Variants in NFIA observed in about 807,000 individuals in gnomAD.
NFIA encodes nuclear factor 1 A-type.
In NFIA, 8 loss-of-function variants were observed where a neutral mutation model predicts 62.8. The observed-to-expected ratio is 0.13, with a 90% CI of 0.07 to 0.23. NFIA has a LOEUF of 0.23. Ranked by LOEUF, NFIA falls within the 10% of genes least tolerant of loss-of-function variation. The pLI, the probability that NFIA is intolerant of heterozygous loss-of-function variation, is 1.00. For missense variants in NFIA, 410 were observed against 642.1 expected (o/e 0.64, Z 3.91); for synonymous variants, 235 against 238.1 (o/e 0.99, Z 0.12).
intron 3 of NFIA, among the ~76,000 whole-genome samples, chr1:61,312,218 G>A (rs1320965907): frequency 6.6e-6 from 1 of 152,224 alleles, no homozygotes; most frequent in African/African-American, 2.4e-5. Flanking sequence ...CTCTTTGGGT[G>A]TGGGAAGTAG....
chr1:61,221,231 A>G (rs1054331304), intron 2 of NFIA, among the ~76,000 whole-genome samples: 2 of 152,156 alleles, frequency 1.3e-5, no homozygotes, highest in Admixed American at 6.5e-5. Flanking sequence ...TCTCTATTTA[A>G]TAAGATTACT....
At chr1:61,321,823 A>G (rs982346593) in intron 3 of NFIA, among the ~76,000 whole-genome samples, 2 of 152,152 alleles carry the variant, frequency 1.3e-5, no homozygotes, top group African/African-American at 2.4e-5. Flanking sequence ...AGATATTTTG[A>G]TATCTAATAG....
At chr1:61,385,736 A>G (rs1434487540) in intron 7 of NFIA, 2 of 152,232 alleles carry the variant, frequency 1.3e-5, no homozygotes, top group Admixed American at 6.5e-5. Context: ...GGGTTGAACC[A>G]GAGTGGACCT....
At chr1:61,327,618 T>G (rs1296086696) in intron 3 of NFIA, among the ~76,000 whole-genome samples, 1 of 152,188 alleles carries the variant, frequency 6.6e-6, no homozygotes, top group Non-Finnish European at 1.5e-5. Flanking sequence ...CTGAGTAGTA[T>G]TCCATGGTAT....
chr1:61,257,819 C>T (rs1656508880), intron 2 of NFIA, among the ~76,000 whole-genome samples: 1 of 151,130 alleles, frequency 6.6e-6, no homozygotes, highest in Non-Finnish European at 1.5e-5. Context: ...AGGTGATCCT[C>T]TCATCTCAGC....
intron 2 of NFIA, among the ~76,000 whole-genome samples, chr1:61,126,441 C>CAG (rs1370192204): frequency 1.6e-5 from 2 of 127,254 alleles, no homozygotes; most frequent in African/African-American, 3.0e-5. Context: ...AAAATGAACA[C>CAG]ACACACACAC....
chr1:61,402,033 C>CTTTTTTTTTTTTTTTTTTTTTTTT (rs10636290), intron 7 of NFIA, among the ~76,000 whole-genome samples: 1 of 94,568 alleles, frequency 1.1e-5, no homozygotes, highest in Non-Finnish European at 1.9e-5. Context: ...ACTCATTTTT[C>CTTTTTTTTTTTTTTTTTTTTTTTT]TTTTTTTTTT....
chr1:61,235,420 G>A (rs12565984), intron 2 of NFIA, among the ~76,000 whole-genome samples: 13,404 of 150,430 alleles, frequency 0.089, 652 homozygotes, highest in South Asian at 0.15. Context: ...CCGAGATGGC[G>A]CCACTGCACT....
intron 2 of NFIA, chr1:61,250,073 A>G (rs1221033954): frequency 6.6e-6 from 1 of 152,190 alleles, no homozygotes; most frequent in Non-Finnish European, 1.5e-5. Context: ...ATTTTTCCCC[A>G]AAGTATTTCT....
intron 2 of NFIA, among the ~76,000 whole-genome samples, chr1:61,094,272 G>A (rs183016268): frequency 6.6e-6 from 1 of 151,826 alleles, no homozygotes; most frequent in Non-Finnish European, 1.5e-5. Flanking sequence ...GAGAATGAAT[G>A]AACTCGTATG....
chr1:61,306,392 C>T (rs1439863760), intron 3 of NFIA, among the ~76,000 whole-genome samples: 1 of 144,988 alleles, frequency 6.9e-6, no homozygotes, highest in African/African-American at 2.5e-5. Flanking sequence ...TCTTGTGCCT[C>T]AGCCTCCCAA....
intron 1 of NFIA, among the ~76,000 whole-genome samples, chr1:61,083,680 G>A (rs977822092): frequency 1.8e-4 from 27 of 151,490 alleles, no homozygotes. Context: ...GCCGCGGGCC[G>A]CGGGCCGGGT....
chr1:61,228,030 T>G (rs1352899466), intron 2 of NFIA, among the ~76,000 whole-genome samples: 1 of 152,226 alleles, frequency 6.6e-6, no homozygotes, highest in African/African-American at 2.4e-5. Context: ...ATCTCTCAGA[T>G]CTTGAAGATC....
At chr1:61,201,520 C>CGA (rs760656007) in intron 2 of NFIA, among the ~76,000 whole-genome samples, 1,384 of 92,318 alleles carry the variant, frequency 0.015, 22 homozygotes, top group African/African-American at 0.052. Flanking sequence ...AACTAAAAAA[C>CGA]AAAAAAAAAA....
intron 2 of NFIA, among the ~76,000 whole-genome samples, chr1:61,256,530 G>T (rs1383077870): frequency 6.6e-6 from 1 of 151,902 alleles, no homozygotes; most frequent in East Asian, 1.9e-4. Flanking sequence ...GCTGCATGTG[G>T]CCCCTGGGCC....
intron 2 of NFIA, among the ~76,000 whole-genome samples, chr1:61,199,802 C>G (rs1049853774): frequency 2.0e-5 from 3 of 151,434 alleles, no homozygotes; most frequent in Admixed American, 6.6e-5. Context: ...CGAGACCAGC[C>G]TGGGCAACAC....
rs550818606 is a variant in NFIA, at chr1:61,426,704, T to C, written c.1512+148T>C. The stretch of plus-strand genomic sequence containing the variant: ...TGATCCCACCAGCCACATTTCCATG[T>C]GTTCTCAGAAATCACAGAAAATTTT... On this transcript the variant is annotated intron_variant, in intron 10 of 10. Coordinates refer to ENST00000403491, the MANE Select transcript of NFIA (RefSeq NM_001134673.4). 95 of 670,920 alleles carry C rather than the reference T, an allele frequency of 1.4e-4. No homozygotes were observed. In the South Asian group the frequency reaches 1.7e-3, roughly 12 times the overall value. 41.6% of individuals were successfully genotyped at this position (670,920 alleles called of 1,614,324 possible). A position where few individuals can be genotyped will look rare whatever the true frequency, so the allele number is the denominator to read the frequency against.
chr1:61,339,181 T>C (rs1199572387), intron 4 of NFIA, among the ~76,000 whole-genome samples: 1 of 152,168 alleles, frequency 6.6e-6, no homozygotes, highest in Non-Finnish European at 1.5e-5. Flanking sequence ...CTCGGCATAA[T>C]TGGATGGTCA....
chr1:61,127,007 G>C (rs1646986295), intron 2 of NFIA, among the ~76,000 whole-genome samples: 2 of 151,172 alleles, frequency 1.3e-5, no homozygotes, highest in Admixed American at 1.3e-4. Flanking sequence ...TGGCCAGGCT[G>C]GTCTCCTCCT....
Sources: allele counts gnomAD v4.1 joint callset (sites outside exome capture counted in the v4.1 genomes callset), GRCh38; gene constraint gnomAD v4.1.1; transcripts MANE v1.5; gene names NCBI Gene and HGNC (gene_info 2026-07-23, HGNC 2026-07-21).